Variants in ESRRB observed in about 807,000 individuals in gnomAD.
ESRRB encodes steroid hormone receptor ERR2.
ESRRB carries 16 observed loss-of-function variants against 46.0 expected under a neutral mutation model. The ratio of observed to expected loss-of-function variants is 0.35; its 90% CI spans 0.24 to 0.53. The LOEUF (loss-of-function observed/expected upper bound fraction) is 0.53. Among genes scored for constraint, ESRRB ranks in the 20% least tolerant of loss-of-function variants. The pLI is 0.93. For synonymous variants in ESRRB, 246 were observed against 259.6 expected (o/e 0.95, Z 0.50); for missense variants, 488 against 607.4 (o/e 0.80, Z 2.07).
chr14:76,500,755 C>T lies in ESRRB; in HGVS notation c.*2297C>T. The T allele has an allele frequency of 6.2e-7, 1 of 1,612,364 alleles. No individual in the cohort carries two copies. Among genetic ancestry groups the T allele is most frequent in the South Asian group, 1.1e-5 (1 of 91,044 alleles). ...TTGGAGCAAGTGGGTGTTCTGCACACCAGGCAGCTGCACCTCACTGGATCT... is the reference window on the plus strand; with the variant it reads ...TTGGAGCAAGTGGGTGTTCTGCACATCAGGCAGCTGCACCTCACTGGATCT... On this transcript the variant is annotated 3_prime_UTR_variant, in exon 7 of 7. Transcript: ENST00000644823.
intron 1 of ESRRB, among the ~76,000 whole-genome samples, chr14:76,398,412 T>C (rs1885790792): frequency 6.6e-6 from 1 of 152,210 alleles, no homozygotes; most frequent in South Asian, 2.1e-4. Context: ...CTCTCTCTGT[T>C]GGAAACTGAG....
intron 6 of ESRRB, among the ~76,000 whole-genome samples, chr14:76,496,204 G>A (rs533328672): frequency 2.6e-5 from 4 of 152,356 alleles, no homozygotes; most frequent in East Asian, 1.9e-4. Flanking sequence ...TGGGTGGCCT[G>A]GGGAAGAGGA....
intron 1 of ESRRB, among the ~76,000 whole-genome samples, chr14:76,396,915 G>A (rs1168243142): frequency 6.6e-6 from 1 of 152,238 alleles, no homozygotes; most frequent in African/African-American, 2.4e-5. Context: ...AGTCGCTGGA[G>A]GATCGTGACT....
chr14:76,322,890 C>T (rs1163484287), intron 1 of ESRRB, among the ~76,000 whole-genome samples: 1 of 152,204 alleles, frequency 6.6e-6, no homozygotes, highest in Admixed American at 6.5e-5. Context: ...ATAACATCTC[C>T]CTACCTTGGA....
intron 2 of ESRRB, among the ~76,000 whole-genome samples, chr14:76,462,225 G>GA (rs1460087813): frequency 6.6e-6 from 1 of 152,122 alleles, no homozygotes; most frequent in Non-Finnish European, 1.5e-5. Context: ...CAGCATAGGG[G>GA]GCGTTCTCCT....
chr14:76,318,114 C>A (rs1290630884), intron 1 of ESRRB, among the ~76,000 whole-genome samples: 1 of 152,134 alleles, frequency 6.6e-6, no homozygotes, highest in African/African-American at 2.4e-5. Flanking sequence ...TTGTAGAGAC[C>A]CTAGTTTTGT....
At chr14:76,421,716 C>A (rs1886962989) in intron 1 of ESRRB, among the ~76,000 whole-genome samples, 1 of 152,176 alleles carries the variant, frequency 6.6e-6, no homozygotes, top group South Asian at 2.1e-4. Flanking sequence ...TTAGGTGTGT[C>A]CCAGTCTGGC....
intron 1 of ESRRB, among the ~76,000 whole-genome samples, chr14:76,414,749 T>TACTC (rs1441486650): frequency 1.3e-5 from 2 of 149,206 alleles, no homozygotes; most frequent in Non-Finnish European, 3.0e-5. Context: ...TGGAAGGAGA[T>TACTC]ACTCTGTAAC....
chr14:76,456,079 A>ACAC (rs1566908058), intron 2 of ESRRB, among the ~76,000 whole-genome samples: 3 of 122,480 alleles, frequency 2.4e-5, no homozygotes, highest in Non-Finnish European at 5.1e-5. Context: ...CACACACACA[A>ACAC]AAGAAAGAAA....
chr14:76,375,060 C>T (rs1409385249), upstream of ESRRB, among the ~76,000 whole-genome samples: 1 of 151,594 alleles, frequency 6.6e-6, no homozygotes, highest in African/African-American at 2.4e-5. Flanking sequence ...ATTATGTCTT[C>T]CCCCCTACTG....
intron 1 of ESRRB, among the ~76,000 whole-genome samples, chr14:76,398,141 G>A (rs563120702): frequency 4.6e-5 from 7 of 152,324 alleles, no homozygotes; most frequent in Non-Finnish European, 5.9e-5. Flanking sequence ...ATGCATTGAA[G>A]TATTTCCTAT....
chr14:76,317,652 G>A (rs954205514), intron 1 of ESRRB, among the ~76,000 whole-genome samples: 2 of 152,142 alleles, frequency 1.3e-5, no homozygotes, highest in South Asian at 2.1e-4. Context: ...TTCCGCCCGC[G>A]GGCTCCGGTA....
In ESRRB at chr14:76,498,756, T is replaced by A; in HGVS notation, c.*298T>A. The A allele has an allele frequency of 1.3e-6, 1 of 784,736 alleles. No individual in the cohort carries two copies. Among genetic ancestry groups the A allele is most frequent in the Non-Finnish European group, 2.1e-6 (1 of 468,374 alleles). The allele number at this position is 784,736 out of a possible 1,614,324, so 48.6% of individuals were successfully genotyped here. A position where few individuals can be genotyped will look rare whatever the true frequency, so the allele number is the denominator to read the frequency against. On this transcript the variant is annotated 3_prime_UTR_variant, in exon 7 of 7. Transcript: ENST00000644823. The stretch of plus-strand genomic sequence containing the variant: ...GGCCAGGGCTGACTCCCTTCAGGAG[T>A]GGAGGCCACTGGAGCAAGTGCCCTC...
intron 1 of ESRRB, among the ~76,000 whole-genome samples, chr14:76,437,325 C>A (rs898861770): frequency 6.6e-6 from 1 of 152,212 alleles, no homozygotes; most frequent in African/African-American, 2.4e-5. Context: ...AGCCACCACG[C>A]CCAGCCAGGA....
At chr14:76,319,399 A>T (rs1216461767) in intron 1 of ESRRB, among the ~76,000 whole-genome samples, 2 of 152,204 alleles carry the variant, frequency 1.3e-5, no homozygotes, top group Admixed American at 6.5e-5. Flanking sequence ...GTTCTTGGGG[A>T]AAATTCCAAA....
intron 1 of ESRRB, among the ~76,000 whole-genome samples, chr14:76,355,031 C>T (rs536610047): frequency 1.1e-4 from 17 of 152,172 alleles, no homozygotes; most frequent in Admixed American, 5.2e-4. Flanking sequence ...TTTATCTGCA[C>T]GGGCCAAGGA....
At chr14:76,350,988 A>T (rs1884307076) in intron 1 of ESRRB, among the ~76,000 whole-genome samples, 1 of 152,122 alleles carries the variant, frequency 6.6e-6, no homozygotes, top group African/African-American at 2.4e-5. Flanking sequence ...TGTCATCTTG[A>T]CTGGTAACCA....
intron 2 of ESRRB, among the ~76,000 whole-genome samples, chr14:76,451,558 C>T (rs887075199): frequency 1.3e-4 from 20 of 152,162 alleles, no homozygotes; most frequent in Admixed American, 1.2e-3. Context: ...ACAATAGGAA[C>T]GATGATGTGG....
rs183645628 is a variant in ESRRB at position 76,433,840 on chromosome 14, C to T, written c.51-5501C>T. 1.9e-3 allele frequency among the ~76,000 whole-genome samples: 295 copies of T among 152,284 alleles called. 1 individual carries two copies. Among genetic ancestry groups the T allele is most frequent in the African/African-American group, 6.8e-3 (284 of 41,558 alleles). On this transcript the variant is annotated intron_variant, in intron 1 of 6. Transcript: ENST00000644823. ...TTATAGGATGGAATCTGCTGCCCAC[C>T]GCCCTTCTAGATGGCTCTGCTCATC...
Sources: allele counts gnomAD v4.1 joint callset (sites outside exome capture counted in the v4.1 genomes callset), GRCh38; gene constraint gnomAD v4.1.1; transcripts MANE v1.5; gene names NCBI Gene and HGNC (gene_info 2026-07-23, HGNC 2026-07-21).